Variants in IGSF21 observed in about 807,000 individuals in gnomAD.
IGSF21 encodes the protein immunoglobulin superfamily member 21.
IGSF21 carries 28 observed loss-of-function variants against 46.8 expected under a neutral mutation model. The observed-to-expected ratio is 0.60, with a 90% CI of 0.44 to 0.82. The LOEUF is 0.82. IGSF21 is among the 40% of genes least tolerant of loss of function. The pLI is 0.00. For missense variants in IGSF21, 624 were observed against 665.5 expected, an observed-to-expected ratio of 0.94 and a Z score of 0.69; for synonymous variants, 284 against 273.6, an observed-to-expected ratio of 1.04 and a Z score of -0.38.
At chr1:18,317,377 A>T (rs750898569) in intron 3 of IGSF21, among the ~76,000 whole-genome samples, 1 of 152,160 alleles carries the variant, frequency 6.6e-6, no homozygotes, top group Non-Finnish European at 1.5e-5. Flanking sequence ...CAACCTACCC[A>T]AGGTCACGGT....
intron 2 of IGSF21, among the ~76,000 whole-genome samples, chr1:18,242,788 C>A (rs931534119): frequency 6.6e-6 from 1 of 152,212 alleles, no homozygotes; most frequent in African/African-American, 2.4e-5. Context: ...TTCGTTCATC[C>A]CTTCATCCCT....
At chr1:18,186,458 A>C (rs947274482) in intron 1 of IGSF21, among the ~76,000 whole-genome samples, 24 of 152,122 alleles carry the variant, frequency 1.6e-4, no homozygotes, top group African/African-American at 4.8e-4. Flanking sequence ...TCAGTCACCA[A>C]GGCCTAGAAA....
intron 1 of IGSF21, 88 bp downstream of exon 1, chr1:18,108,286 G>A: frequency 2.4e-6 from 3 of 1,233,356 alleles, no homozygotes; most frequent in Non-Finnish European, 3.1e-6. Context: ...GGGTCGCTCC[G>A]AGAGGCTCGG....
At chr1:18,179,470 A>G (rs754558279) in intron 1 of IGSF21, 1 of 152,224 alleles carries the variant, frequency 6.6e-6, no homozygotes, top group Non-Finnish European at 1.5e-5. Flanking sequence ...TTATGACCAC[A>G]TTGGAATAAA....
intron 1 of IGSF21, among the ~76,000 whole-genome samples, chr1:18,117,810 G>A (rs947957525): frequency 2.0e-5 from 3 of 152,228 alleles, no homozygotes; most frequent in Admixed American, 6.5e-5. Context: ...TGAGCCAGAA[G>A]GGAGCTGGGA....
rs528666974 is a variant in IGSF21 at position 18,288,798 on chromosome 1, G to A, written c.184-3068G>A. 1.4e-3 allele frequency among the ~76,000 whole-genome samples: 218 copies of A among 152,308 alleles called. 1 individual carries two copies. The highest frequency in any genetic ancestry group is 2.0e-3 in the Non-Finnish European group (134 of 68,030). ...ACAGACAGCTGGGACAGTGGGGCCT[G>A]CCCTCCAGATCCCTCACCCTGCAGC... is the stretch of plus-strand genomic sequence containing the variant. On this transcript the variant is annotated intron_variant, in intron 2 of 9. Transcript: ENST00000251296.
At chr1:18,177,168 A>G (rs2086807249) in intron 1 of IGSF21, among the ~76,000 whole-genome samples, 1 of 152,228 alleles carries the variant, frequency 6.6e-6, no homozygotes, top group South Asian at 2.1e-4. Context: ...CTTTACAGAC[A>G]GATCCTTCCA....
At chr1:18,368,297 A>G (rs1161066832) in intron 6 of IGSF21, among the ~76,000 whole-genome samples, 1 of 151,512 alleles carries the variant, frequency 6.6e-6, no homozygotes, top group Non-Finnish European at 1.5e-5. Context: ...TGAGGTCAGG[A>G]GTTCAAGACT....
In IGSF21 at chr1:18,108,048, C is replaced by T. The variant is rs1343380687; in HGVS notation, c.-81C>T. ...CGGCCAGTGGCCGGAGGCAGGAGCG[C>T]GTCTGAGCCCATGGCGAGGGGACCC... On this transcript the variant is annotated 5_prime_UTR_variant, in exon 1 of 10. Coordinates refer to ENST00000251296, the MANE Select transcript of IGSF21 (RefSeq NM_032880.5). 5.1e-6 allele frequency: 3 copies of T among 583,908 alleles called. No individual in the cohort carries two copies. The highest frequency in any genetic ancestry group is 7.7e-6 in the Non-Finnish European group (3 of 388,124). The allele number at this position is 583,908 out of a possible 1,614,324, so 36.2% of individuals were successfully genotyped here.
Position 18,336,955 on chromosome 1 carries a change from T to C in IGSF21, c.424+1945T>C, listed in dbSNP as rs1316556608. On this transcript the variant is annotated intron_variant, in intron 4 of 9. Transcript: ENST00000251296. ...AATCATCAGATCTTGTGAGACTTAT[T>C]CACTATCATGAGAAATAGCACAGGA... 5.3e-5 allele frequency among the ~76,000 whole-genome samples: 8 copies of C among 152,310 alleles called. No homozygotes were observed. The East Asian group carries it at 1.5e-3, about 29-fold the overall frequency.
At position 18,365,627 on chromosome 1, in the gene IGSF21, C is replaced by T. The variant is rs1413947289; in HGVS notation, c.945C>T (p.Asn315=). 4.0e-5 allele frequency: 64 copies of T among 1,614,054 alleles called. No individual in the cohort carries two copies. Among genetic ancestry groups the T allele is most frequent in the East Asian group, 6.7e-5 (3 of 44,888 alleles). ...GGACCCTCAACCCACAGATCGACAA[C>T]GAGGCCCTCTTCAGCTGCGAGGTCA... The part of the protein sequence containing the change: ...LTWTLNPQID[N]EALFSCEVKH... Residue 315 remains asparagine (N), a synonymous_variant, in exon 6 of 10, where the codon AAC becomes AAT. Transcript: ENST00000251296. This position sits in a 1 kb window ranked among gnomAD's most constrained non-coding sequence, Gnocchi z 4.8.
intron 3 of IGSF21, among the ~76,000 whole-genome samples, chr1:18,293,761 C>T (rs1003107244): frequency 1.3e-5 from 2 of 152,200 alleles, no homozygotes; most frequent in South Asian, 4.1e-4. Flanking sequence ...TGCCACCCAG[C>T]CCACCCCTGC....
intron 3 of IGSF21, among the ~76,000 whole-genome samples, chr1:18,301,195 G>C (rs976169875): frequency 6.6e-6 from 1 of 152,190 alleles, no homozygotes; most frequent in Non-Finnish European, 1.5e-5. Flanking sequence ...CAAGCAGGTC[G>C]TGCAGTGGGA....
intron 1 of IGSF21, among the ~76,000 whole-genome samples, chr1:18,161,431 C>T (rs2086621596): frequency 6.6e-6 from 1 of 152,146 alleles, no homozygotes; most frequent in African/African-American, 2.4e-5. Context: ...TATTCTGAGC[C>T]TGCAAATGCC....
intron 2 of IGSF21, among the ~76,000 whole-genome samples, chr1:18,262,938 G>A (rs551547794): frequency 1.3e-5 from 2 of 152,206 alleles, no homozygotes; most frequent in East Asian, 1.9e-4. Flanking sequence ...TGCATTGGCC[G>A]CTTCCCCTTC....
intron 4 of IGSF21, chr1:18,361,469 A>G (rs973862309): frequency 6.6e-6 from 1 of 152,302 alleles, no homozygotes; most frequent in African/African-American, 2.4e-5. Context: ...ATGCCAGTTC[A>G]AGTCATAATC....
chr1:18,178,766 C>A (rs1426168413), intron 1 of IGSF21, among the ~76,000 whole-genome samples: 1 of 152,074 alleles, frequency 6.6e-6, no homozygotes, highest in Non-Finnish European at 1.5e-5. Flanking sequence ...TCCCCCTACC[C>A]CACCCCAGGG....
chr1:18,187,142 G>A (rs2086910937), intron 1 of IGSF21, among the ~76,000 whole-genome samples: 3 of 151,974 alleles, frequency 2.0e-5, no homozygotes, highest in African/African-American at 7.3e-5. Flanking sequence ...GGAAGATTTG[G>A]TTCTTGGGGA....
intron 4 of IGSF21, among the ~76,000 whole-genome samples, chr1:18,354,046 G>T (rs562378874): frequency 2.7e-4 from 41 of 152,350 alleles, no homozygotes; most frequent in Non-Finnish European, 5.4e-4. Context: ...GCACTCTAGT[G>T]GGGAGACAGA....
Sources: allele counts gnomAD v4.1 joint callset (sites outside exome capture counted in the v4.1 genomes callset), GRCh38; gene constraint gnomAD v4.1.1; non-coding constraint Gnocchi (gnomAD v3.1); transcripts MANE v1.5; gene names NCBI Gene and HGNC (gene_info 2026-07-23, HGNC 2026-07-21).